Variants in C12orf75 observed in about 807,000 individuals in gnomAD.
The protein encoded by C12orf75 is overexpressed in colon carcinoma 1 protein.
A neutral mutation model predicts 11.4 loss-of-function variants in C12orf75; 4 were observed. That is an observed-to-expected ratio of 0.35 (90% CI 0.17 to 0.80). The LOEUF is 0.80. C12orf75 is among the 30% of genes least tolerant of loss of function. C12orf75 has a pLI of 0.52. For synonymous variants in C12orf75, 30 were observed against 30.0 expected, an observed-to-expected ratio of 1.00 and a Z score of 0.00; for missense variants, 89 against 80.4, an observed-to-expected ratio of 1.11 and a Z score of -0.41.
intron 1 of C12orf75, among the ~76,000 whole-genome samples, chr12:105,339,434 A>G (rs1193271510): frequency 7.8e-6 from 1 of 128,752 alleles, no homozygotes; most frequent in Non-Finnish European, 1.7e-5. Context: ...ACATAATTTT[A>G]TTTCGGGTGT....
chr12:105,351,096 ATTCAGGCACG>A (rs2136146080), intron 2 of C12orf75, among the ~76,000 whole-genome samples: 1 of 152,360 alleles, frequency 6.6e-6, no homozygotes, highest in Admixed American at 6.5e-5. Context: ...CAAAAGGTAT[ATTCAGGCACG>A]TTCAATTTTT....
intron 2 of C12orf75, among the ~76,000 whole-genome samples, chr12:105,356,049 G>T (rs922810751): frequency 2.0e-5 from 3 of 152,146 alleles, no homozygotes; most frequent in Admixed American, 2.0e-4. Context: ...GAGATCAAAA[G>T]AAAACAGTCC....
intron 2 of C12orf75, among the ~76,000 whole-genome samples, chr12:105,363,597 G>C (rs1195485473): frequency 6.6e-6 from 1 of 151,912 alleles, no homozygotes; most frequent in Non-Finnish European, 1.5e-5. Flanking sequence ...TGGTGGCACG[G>C]GCCTGGAATC....
At chr12:105,352,205 G>A (rs1424275583) in intron 2 of C12orf75, among the ~76,000 whole-genome samples, 1 of 152,194 alleles carries the variant, frequency 6.6e-6, no homozygotes, top group Non-Finnish European at 1.5e-5. Flanking sequence ...AGGAGGAAGA[G>A]AAGTCATTGC....
At chr12:105,366,792 C>G (rs1181323975) in intron 4 of C12orf75, 96 bp downstream of exon 4, 2 of 757,296 alleles carry the variant, frequency 2.6e-6, no homozygotes, top group East Asian at 2.7e-5. Flanking sequence ...CTCGACTCAA[C>G]CTATGTATTG....
At chr12:105,334,519 T>C (rs1180802401) in intron 1 of C12orf75, among the ~76,000 whole-genome samples, 1 of 152,204 alleles carries the variant, frequency 6.6e-6, no homozygotes, top group African/African-American at 2.4e-5. Flanking sequence ...CATTTTGATA[T>C]CATCACTCTC....
At chr12:105,347,742 G>A (rs1316706404) in intron 1 of C12orf75, among the ~76,000 whole-genome samples, 1 of 152,202 alleles carries the variant, frequency 6.6e-6, no homozygotes, top group Non-Finnish European at 1.5e-5. Context: ...GCATTCTTCA[G>A]TTCAATCAAG....
At chr12:105,338,882 G>A (rs886717089) in intron 1 of C12orf75, among the ~76,000 whole-genome samples, 4 of 152,086 alleles carry the variant, frequency 2.6e-5, no homozygotes, top group African/African-American at 7.2e-5. Context: ...CATGAGATTT[G>A]GAGGGGACAA....
At chr12:105,361,319 G>A (rs1892862453) in intron 2 of C12orf75, among the ~76,000 whole-genome samples, 1 of 152,212 alleles carries the variant, frequency 6.6e-6, no homozygotes, top group South Asian at 2.1e-4. Flanking sequence ...AAGGTATGTT[G>A]ATTCCTTAAA....
chr12:105,347,327 T>C (rs572149398), intron 1 of C12orf75, among the ~76,000 whole-genome samples: 1 of 152,222 alleles, frequency 6.6e-6, no homozygotes, highest in South Asian at 2.1e-4. Context: ...GATCATTAGG[T>C]GAAGTTTCAC....
intron 2 of C12orf75, among the ~76,000 whole-genome samples, chr12:105,361,790 C>A (rs1464218218): frequency 6.6e-6 from 1 of 152,308 alleles, no homozygotes; most frequent in East Asian, 1.9e-4. Flanking sequence ...GTTCTCTCCC[C>A]AGGCAGCTCA....
chr12:105,368,959 G>A (rs1021718226), intron 5 of C12orf75, among the ~76,000 whole-genome samples: 2 of 152,084 alleles, frequency 1.3e-5, no homozygotes, highest in East Asian at 3.8e-4. Context: ...TGAGTTCTCC[G>A]CTAGTTTTCT....
chr12:105,335,106 C>T (rs1008857943), intron 1 of C12orf75, among the ~76,000 whole-genome samples: 1 of 152,222 alleles, frequency 6.6e-6, no homozygotes, highest in Admixed American at 6.5e-5. Flanking sequence ...AGGCAACTTA[C>T]TGTCAGAATG....
intron 5 of C12orf75, among the ~76,000 whole-genome samples, chr12:105,368,159 T>C (rs562397612): frequency 6.6e-6 from 1 of 152,288 alleles, no homozygotes; most frequent in East Asian, 1.9e-4. Context: ...TAGCTTTCAT[T>C]TGTTAACTAC....
chr12:105,351,661 AC>A (rs1051571562), intron 2 of C12orf75, among the ~76,000 whole-genome samples: 1 of 152,192 alleles, frequency 6.6e-6, no homozygotes, highest in Admixed American at 6.5e-5. Flanking sequence ...AAAAATGGCA[AC>A]CCATGGCAGA....
chr12:105,330,835 GC>G lies in C12orf75; in HGVS notation c.-52del, dbSNP rs1892411266. ...TGCGCCGCCCTTCGTCTGGGTCTCC[GC>G]CCCCAGGACCCGCGGCCGAGAGCTC... is the stretch of plus-strand genomic sequence containing the variant. On this transcript the variant is annotated 5_prime_UTR_variant, in exon 1 of 6. Transcript: ENST00000443585. 8 of 1,238,792 alleles carry G rather than the reference GC, an allele frequency of 6.5e-6. No individual in the cohort carries two copies. Among genetic ancestry groups the G allele is most frequent in the South Asian group, 6.8e-5 (2 of 29,566 alleles). 76.7% of individuals were successfully genotyped at this position (1,238,792 alleles called of 1,614,324 possible).
At chr12:105,347,214 GT>G (rs1892651247) in intron 1 of C12orf75, among the ~76,000 whole-genome samples, 1 of 152,234 alleles carries the variant, frequency 6.6e-6, no homozygotes, top group African/African-American at 2.4e-5. Flanking sequence ...GAGATGAGCT[GT>G]TTTTGTCACA....
chr12:105,368,794 CT>C (rs1385435109), intron 5 of C12orf75, among the ~76,000 whole-genome samples: 1 of 152,182 alleles, frequency 6.6e-6, no homozygotes, highest in Non-Finnish European at 1.5e-5. Context: ...CTGTGGGTAG[CT>C]ACTTCTTTGA....
At chr12:105,335,494 A>G (rs11112473) in intron 1 of C12orf75, among the ~76,000 whole-genome samples, 27,979 of 152,156 alleles carry the variant, frequency 0.18, 2,913 homozygotes, top group Non-Finnish European at 0.24. Flanking sequence ...TTCTTTAAAC[A>G]TGCTGAACTC....
Sources: allele counts gnomAD v4.1 joint callset (sites outside exome capture counted in the v4.1 genomes callset), GRCh38; gene constraint gnomAD v4.1.1; transcripts MANE v1.5; gene names NCBI Gene and HGNC (gene_info 2026-07-23, HGNC 2026-07-21).